WDR59: variants seen among roughly 807,000 people sequenced by gnomAD.
The protein encoded by WDR59 is GATOR2 complex protein WDR59.
A neutral mutation model predicts 131.2 loss-of-function variants in WDR59; 100 were observed. The ratio of observed to expected loss-of-function variants is 0.76; its 90% CI spans 0.65 to 0.90. WDR59 has a LOEUF of 0.90. Ranked by LOEUF, WDR59 falls within the 40% of genes least tolerant of loss-of-function variation. The pLI, the probability that WDR59 is intolerant of heterozygous loss-of-function variation, is 0.00. For synonymous variants in WDR59, 601 were observed against 466.2 expected, an observed-to-expected ratio of 1.29 and a Z score of -3.72; for missense variants, 1,203 against 1,262.2, an observed-to-expected ratio of 0.95 and a Z score of 0.71.
At chr16:74,983,718 G>A (rs1237679246) in intron 1 of WDR59, among the ~76,000 whole-genome samples, 2 of 152,022 alleles carry the variant, frequency 1.3e-5, no homozygotes, top group African/African-American at 4.8e-5. Flanking sequence ...AATCACACCT[G>A]TAATCCCAAC....
At chr16:74,976,726 C>T (rs1482403702) in intron 1 of WDR59, among the ~76,000 whole-genome samples, 2 of 152,144 alleles carry the variant, frequency 1.3e-5, no homozygotes, top group African/African-American at 4.8e-5. Context: ...CAGGTGTGAG[C>T]GACCAAGCCC....
chr16:74,900,686 C>G (rs1965509506), intron 18 of WDR59, among the ~76,000 whole-genome samples: 1 of 152,196 alleles, frequency 6.6e-6, no homozygotes, highest in Admixed American at 6.5e-5. Context: ...AGGAGCAAAG[C>G]TTGGCATTCC....
intron 13 of WDR59, among the ~76,000 whole-genome samples, chr16:74,915,048 C>G (rs1191657110): frequency 6.6e-6 from 1 of 152,186 alleles, no homozygotes; most frequent in Non-Finnish European, 1.5e-5. Flanking sequence ...GTAACTGTTC[C>G]ACAGGCTAAG....
At chr16:74,984,303 A>G (rs2034539965) in intron 1 of WDR59, among the ~76,000 whole-genome samples, 2 of 152,136 alleles carry the variant, frequency 1.3e-5, no homozygotes, top group African/African-American at 4.8e-5. Context: ...ATTAAATTAA[A>G]TAGAAAATTA....
At chr16:74,973,316 G>A (rs969595118) in intron 1 of WDR59, among the ~76,000 whole-genome samples, 21 of 55,258 alleles carry the variant, frequency 3.8e-4, no homozygotes, top group African/African-American at 6.7e-4. Flanking sequence ...TGGGGTTGGC[G>A]GGGGGGCCGG....
chr16:74,979,777 G>C (rs1346327526), intron 1 of WDR59, among the ~76,000 whole-genome samples: 2 of 146,496 alleles, frequency 1.4e-5, no homozygotes, highest in Non-Finnish European at 3.0e-5. Flanking sequence ...CCAACCTCAA[G>C]ATCCGCCTGC....
intron 6 of WDR59, 64 bp downstream of exon 6, chr16:74,948,454 AC>A: frequency 7.0e-7 from 1 of 1,433,382 alleles, no homozygotes; most frequent in Non-Finnish European, 9.8e-7. Flanking sequence ...ACGGGAAAGA[AC>A]TGGAAGGAAG....
chr16:74,874,515 T>A (rs1964114208), intron 25 of WDR59, 71 bp from the exon 26 acceptor site: 9 of 1,372,718 alleles, frequency 6.6e-6, no homozygotes, highest in South Asian at 1.2e-5. Context: ...AACTGGGGCT[T>A]GCCAGGAAGA....
At chr16:74,970,656 C>G (rs1370053432) in intron 1 of WDR59, among the ~76,000 whole-genome samples, 1 of 152,120 alleles carries the variant, frequency 6.6e-6, no homozygotes, top group Non-Finnish European at 1.5e-5. Flanking sequence ...TCTTCTCCCA[C>G]TAGCTGATGA....
chr16:74,945,605 T>C (rs983315323), intron 6 of WDR59, among the ~76,000 whole-genome samples: 4 of 151,930 alleles, frequency 2.6e-5, no homozygotes, highest in Non-Finnish European at 5.9e-5. Flanking sequence ...ATGTCTCAGA[T>C]CATAAGTACC....
At chr16:74,894,368 G>A (rs552238449) in intron 18 of WDR59, among the ~76,000 whole-genome samples, 8 of 152,230 alleles carry the variant, frequency 5.3e-5, no homozygotes, top group East Asian at 1.9e-4. Flanking sequence ...AAAAGTGATC[G>A]TTCTCAATGT....
At position 74,918,020 on chromosome 16, in the gene WDR59, C is replaced by T; in HGVS notation, c.887-12G>A. On this transcript the variant is annotated splice_polypyrimidine_tract_variant and intron_variant, in intron 10 of 25. Coordinates refer to ENST00000262144, the MANE Select transcript of WDR59 (RefSeq NM_030581.4). ...ATAGTCCTTGGACCCTAGAAATCAC[C>T]AAATAAGAATCCTGGAAATTCTTCT... 2 of 1,612,458 alleles carry T rather than the reference C, an allele frequency of 1.2e-6. No homozygotes were observed. The highest frequency in any genetic ancestry group is 1.7e-6 in the Non-Finnish European group (2 of 1,179,068).
chr16:74,911,502 G>C (rs1056793451), intron 14 of WDR59, among the ~76,000 whole-genome samples: 4 of 152,182 alleles, frequency 2.6e-5, no homozygotes, highest in African/African-American at 9.7e-5. Flanking sequence ...GAACGGGTAT[G>C]AAGAGGCTCA....
At chr16:74,910,969 T>C (rs908149085) in intron 14 of WDR59, among the ~76,000 whole-genome samples, 1 of 152,152 alleles carries the variant, frequency 6.6e-6, no homozygotes, top group Non-Finnish European at 1.5e-5. Context: ...GTTCAAGTGA[T>C]TCTCCTGCCT....
In WDR59 at chr16:74,935,192, T is replaced by C. The variant is rs2031700906; in HGVS notation, c.651+2958A>G. On this transcript the variant is annotated intron_variant, in intron 8 of 25. Transcript: ENST00000262144. ...CTGCAGCGAGCCAAGATCACACCAC[T>C]GCAATCGAGCCTGGGCAACAGAGCA... Among the ~76,000 whole-genome samples the C allele has an allele frequency of 1.3e-5, 2 of 151,790 alleles. 1 individual carries two copies. The highest frequency in any genetic ancestry group is 4.2e-4 in the South Asian group (2 of 4,814).
intron 6 of WDR59, 75 bp from the exon 7 acceptor site, chr16:74,942,901 G>T: frequency 7.5e-7 from 1 of 1,340,798 alleles, no homozygotes; most frequent in Non-Finnish European, 1.1e-6. Context: ...AGCCAGGGGA[G>T]CTGGATAATG....
chr16:74,951,386 C>T, intron 4 of WDR59, 72 bp downstream of exon 4: 1 of 1,413,310 alleles, frequency 7.1e-7, no homozygotes, highest in East Asian at 2.4e-5. Context: ...AGGAGGACGG[C>T]ATCATCATTT....
At chr16:74,913,695 A>G (rs1397191633) in intron 13 of WDR59, among the ~76,000 whole-genome samples, 1 of 152,190 alleles carries the variant, frequency 6.6e-6, no homozygotes, top group Admixed American at 6.5e-5. Context: ...GAAGAAGTTA[A>G]ATACCAGACT....
At chr16:74,974,260 A>G (rs2034098530) in intron 1 of WDR59, among the ~76,000 whole-genome samples, 1 of 152,174 alleles carries the variant, frequency 6.6e-6, no homozygotes, top group African/African-American at 2.4e-5. Flanking sequence ...CACACTGGGT[A>G]CTACTAGGTA....
Sources: allele counts gnomAD v4.1 joint callset (sites outside exome capture counted in the v4.1 genomes callset), GRCh38; gene constraint gnomAD v4.1.1; transcripts MANE v1.5; gene names NCBI Gene and HGNC (gene_info 2026-07-23, HGNC 2026-07-21).